TTI1: variants seen among roughly 807,000 people sequenced by gnomAD.
TTI1 encodes the protein TELO2 interacting protein 1.
Under a neutral mutation model 85.4 loss-of-function variants are expected in TTI1, and 52 were observed. That is an observed-to-expected ratio of 0.61 (90% confidence interval 0.49 to 0.77). TTI1 has a LOEUF of 0.77. TTI1 is among the 30% of genes least tolerant of loss of function. The probability of loss-of-function intolerance (pLI) is 0.00; values close to 1 mark genes in which losing one functional copy is unlikely to be tolerated. For missense variants in TTI1, 1,173 were observed against 1,296.0 expected (o/e 0.91, Z 1.46); for synonymous variants, 512 against 503.9 (o/e 1.02, Z -0.22).
rs58870719 is a variant in TTI1, at chr20:37,983,148, TTGTG to T, written c.*304_*307del. The T allele has an allele frequency of 3.6e-4, 92 of 256,168 alleles. No homozygotes were observed. The highest frequency in any genetic ancestry group is 9.3e-4 in the East Asian group (8 of 8,604). 15.9% of individuals were successfully genotyped at this position (256,168 alleles called of 1,614,324 possible). A position where few individuals can be genotyped will look rare whatever the true frequency, so the allele number is the denominator to read the frequency against. ...ATGCAGATGGAGGGGAACTGACCTC[TTGTG>T]TGTGTGTGTGTGTGGCCTGTGAGGG... is the stretch of plus-strand genomic sequence containing the variant. On this transcript the variant is annotated 3_prime_UTR_variant, in exon 8 of 8. Coordinates refer to ENST00000373447, the MANE Select transcript of TTI1 (RefSeq NM_001303457.2).
chr20:38,013,386 T>A lies in TTI1; in HGVS notation c.431A>T (p.Glu144Val), dbSNP rs1296680269. ...TCCTAAACGTGGCAGAATGGAGGGC[T>A]CATAAAAAGTCAGAATGATGTCCCC... ...AYGDIILTFYEPSILPRLGFA... is the reference protein window; with the variant it reads ...AYGDIILTFYVPSILPRLGFA... The change falls in exon 2 of 8, where the codon GAG (glutamate) becomes GTG (valine). Residue 144 changes from glutamate (E) to valine (V), a missense_variant. Coordinates refer to ENST00000373447, the MANE Select transcript of TTI1 (RefSeq NM_001303457.2). The A allele has an allele frequency of 6.2e-7, 1 of 1,613,920 alleles. No homozygotes were observed. Among genetic ancestry groups the A allele is most frequent in the African/African-American group, 1.3e-5 (1 of 74,910 alleles).
rs2073626540 is a variant in TTI1 at position 38,013,124 on chromosome 20, A to G, written c.693T>C (p.Ile231=). The G allele has an allele frequency of 6.2e-7, 1 of 1,614,166 alleles. No individual in the cohort carries two copies. ...AAAAGATCTTTAGGGAAGATACGAC[A>G]ATGCTGTGACCTTGTTTAAAGTCTC... is the stretch of plus-strand genomic sequence containing the variant. The part of the protein sequence containing the change: ...ITGDFKQGHS[I]VVSSLKIFYK... The change falls in exon 2 of 8, where the codon ATT becomes ATC. Residue 231 remains isoleucine (I), a synonymous_variant. Coordinates refer to ENST00000373447, the MANE Select transcript of TTI1 (RefSeq NM_001303457.2).
Position 37,999,256 on chromosome 20 carries a change from G to T in TTI1, c.2725C>A (p.Gln909Lys). The T allele has an allele frequency of 6.5e-7, 1 of 1,533,874 alleles. No individual in the cohort carries two copies. Among genetic ancestry groups the T allele is most frequent in the South Asian group, 1.2e-5 (1 of 80,056 alleles). The change falls in exon 5 of 8, where the codon CAG becomes AAG. Residue 909 changes from glutamine to lysine, a missense_variant. Transcript: ENST00000373447. ...HKNQLLPLAHQAWPSLVHRLT... is the reference protein window; with the variant it reads ...HKNQLLPLAHKAWPSLVHRLT... ...CGGTGAACGAGCGAGGGCCAGGCCT[G>T]ATGAGCCAAGGGAAGCAGCTGGTTT...
intron 1 of TTI1, among the ~76,000 whole-genome samples, chr20:38,025,728 T>C (rs1256740728): frequency 1.3e-5 from 2 of 152,004 alleles, no homozygotes; most frequent in East Asian, 3.8e-4. Flanking sequence ...AATGAAGGAA[T>C]AGAAAGCCTC....
intron 3 of TTI1, among the ~76,000 whole-genome samples, chr20:38,004,427 C>T (rs2073469345): frequency 6.6e-6 from 1 of 152,230 alleles, no homozygotes; most frequent in Admixed American, 6.5e-5. Context: ...CTGCACCTGT[C>T]TCTAACAGAT....
intron 1 of TTI1, among the ~76,000 whole-genome samples, chr20:38,022,043 G>A (rs983973269): frequency 6.6e-6 from 1 of 152,226 alleles, no homozygotes; most frequent in Non-Finnish European, 1.5e-5. Context: ...TTTGGGCTAT[G>A]TGAGAAGGCT....
At chr20:38,002,874 G>A (rs556655683) in intron 3 of TTI1, 98 bp from the exon 4 acceptor site, 1 of 1,518,858 alleles carries the variant, frequency 6.6e-7, no homozygotes, top group Non-Finnish European at 9.0e-7. Context: ...TTAGGTATTT[G>A]GTTACAGCAG....
At chr20:37,991,805 G>A (rs1026812079) in intron 7 of TTI1, among the ~76,000 whole-genome samples, 3 of 152,160 alleles carry the variant, frequency 2.0e-5, no homozygotes, top group African/African-American at 7.2e-5. Context: ...GAGGGTAGAG[G>A]CCCCTATCTT....
rs2073640203 is a variant in TTI1 at position 38,013,744 on chromosome 20, G to A, written c.73C>T (p.Gln25Ter). 1 of 1,614,012 alleles carries A rather than the reference G, an allele frequency of 6.2e-7. No individual in the cohort carries two copies. Among genetic ancestry groups the A allele is most frequent in the East Asian group, 2.2e-5 (1 of 44,896 alleles). Reference sequence around the variant, plus strand: ...AGATGCTCCACATTCTCCACTGTCTGGGTCTTTGTGAGCTGAACACAGACT... The same window carrying A: ...AGATGCTCCACATTCTCCACTGTCTAGGTCTTTGTGAGCTGAACACAGACT... ...RPVCVQLTKT[Q>*]TVENVEHLQT... The change falls in exon 2 of 8, where the codon CAG becomes TAG. Residue 25 changes from glutamine (Q) to a stop codon, truncating the protein, a stop_gained. Transcript: ENST00000373447. LOFTEE classifies it high-confidence loss of function.
intron 2 of TTI1, among the ~76,000 whole-genome samples, chr20:38,008,552 G>A (rs1008425970): frequency 5.3e-5 from 8 of 152,136 alleles, no homozygotes; most frequent in African/African-American, 1.7e-4. Context: ...ACCAGCAGTT[G>A]GGATTAAGCA....
Position 38,011,857 on chromosome 20 carries a change from A to T in TTI1, c.1960T>A (p.Tyr654Asn). 1 of 1,614,232 alleles carries T rather than the reference A, an allele frequency of 6.2e-7. No homozygotes were observed. Among genetic ancestry groups the T allele is most frequent in the Non-Finnish European group, 8.5e-7 (1 of 1,180,044 alleles). Residue 654 changes from tyrosine (Y) to asparagine (N), a missense_variant, in exon 2 of 8, where the codon TAT (tyrosine) becomes AAT (asparagine). Tyr to Asn is a moderately radical substitution (Grantham distance 143, BLOSUM62 -2). Coordinates refer to ENST00000373447, the MANE Select transcript of TTI1 (RefSeq NM_001303457.2). The part of the protein sequence containing the change: ...DFCLLLMSAL[Y>N]PVLEKAGDQT... ...TCTCCAGCCTTCTCCAGTACTGGAT[A>T]AAGGGCTGACATCAAGAGCAAACAG...
At chr20:37,988,669 CTGTT>C (rs1472539667) in intron 7 of TTI1, among the ~76,000 whole-genome samples, 1 of 152,162 alleles carries the variant, frequency 6.6e-6, no homozygotes, top group African/African-American at 2.4e-5. Flanking sequence ...GCTTTGTGAT[CTGTT>C]TGTTTGCTTA....
chr20:38,009,818 A>G (rs2073556721), intron 2 of TTI1, among the ~76,000 whole-genome samples: 1 of 152,194 alleles, frequency 6.6e-6, no homozygotes. Flanking sequence ...GTTCTTAAAA[A>G]TAAATGTGAT....
Position 38,011,998 on chromosome 20 carries a change from A to C in TTI1, c.1819T>G (p.Phe607Val). The stretch of plus-strand genomic sequence containing the variant: ...GGACTTGGCTTTGAGAAGGCTAGAA[A>C]AGATGTAACTTGGCAGGTGTGTTCA... ...SGEHTCQVTSFLAFSKPSPTI... is the reference protein window; with the variant it reads ...SGEHTCQVTSVLAFSKPSPTI... Residue 607 changes from phenylalanine (F) to valine (V), a missense_variant, in exon 2 of 8, where the codon TTT becomes GTT. Coordinates refer to ENST00000373447, the MANE Select transcript of TTI1 (RefSeq NM_001303457.2). The C allele has an allele frequency of 1.4e-5, 22 of 1,614,248 alleles. No individual in the cohort carries two copies. The highest frequency in any genetic ancestry group is 1.8e-5 in the Non-Finnish European group (21 of 1,180,046).
chr20:37,990,311 T>C (rs2073245669), intron 7 of TTI1, among the ~76,000 whole-genome samples: 1 of 152,250 alleles, frequency 6.6e-6, no homozygotes, highest in Non-Finnish European at 1.5e-5. Context: ...TTTAGTGACT[T>C]TTACTCTGTG....
chr20:37,996,388 C>T lies in TTI1; in HGVS notation c.3073G>A (p.Glu1025Lys), dbSNP rs1281067214. ...AGGCAGACGTACCTCCTGGCAGCCT[C>T]TTGTAATTTCACGGGCTGTTTGACA... ...LSVKQPVKLQ[E>K]AARSVFLHLM... Residue 1025 changes from glutamate (E) to lysine (K), a missense_variant, in exon 7 of 8, where the codon GAG becomes AAG. By Grantham distance (56) the Glu-to-Lys change is moderately conservative (BLOSUM62 1). Transcript: ENST00000373447. The T allele has an allele frequency of 6.2e-7, 1 of 1,614,074 alleles. No homozygotes were observed. The highest frequency in any genetic ancestry group is 1.6e-4 in the Middle Eastern group (1 of 6,062).
intron 1 of TTI1, among the ~76,000 whole-genome samples, chr20:38,014,961 T>C (rs1339883800): frequency 6.6e-6 from 1 of 152,110 alleles, no homozygotes; most frequent in African/African-American, 2.4e-5. Context: ...TAAATGTGTA[T>C]AACTGTAAAA....
chr20:38,017,438 G>A (rs1055966579), intron 1 of TTI1, among the ~76,000 whole-genome samples: 8 of 149,162 alleles, frequency 5.4e-5, no homozygotes, highest in Non-Finnish European at 8.8e-5. Context: ...GTGTGTGTGC[G>A]CGCGCGCCTT....
chr20:37,983,701 G>A, intron 7 of TTI1, 62 bp from the exon 8 acceptor site: 1 of 1,365,024 alleles, frequency 7.3e-7, no homozygotes, highest in Non-Finnish European at 9.6e-7. Flanking sequence ...GAATGCTACA[G>A]CCCCAACCAG....
Sources: gnomAD v4.1 joint callset for allele counts (sites outside exome capture counted in the v4.1 genomes callset) on GRCh38, gnomAD v4.1.1 for gene constraint, MANE v1.5 for transcripts, NCBI Gene and HGNC (gene_info 2026-07-23, HGNC 2026-07-21) for gene names.